CNTN4: variants seen among roughly 807,000 people sequenced by gnomAD.
The protein encoded by CNTN4 is contactin-4.
A neutral mutation model predicts 122.5 loss-of-function variants in CNTN4; 77 were observed. The ratio of observed to expected loss-of-function variants is 0.63; its 90% CI spans 0.52 to 0.76. The LOEUF (loss-of-function observed/expected upper bound fraction) is 0.76. Ranked by LOEUF, CNTN4 falls within the 30% of genes least tolerant of loss-of-function variation. CNTN4 has a pLI of 0.00. For missense variants in CNTN4, 1,256 were observed against 1,259.1 expected, an observed-to-expected ratio of 1.00 and a Z score of 0.04; for synonymous variants, 512 against 447.0, an observed-to-expected ratio of 1.15 and a Z score of -1.83.
chr3:2,409,273 T>A (rs2047146120), intron 3 of CNTN4, among the ~76,000 whole-genome samples: 1 of 148,200 alleles, frequency 6.7e-6, no homozygotes, highest in East Asian at 2.0e-4. Context: ...TTTGAGATAG[T>A]GTCTCGCTCT....
intron 24 of CNTN4, among the ~76,000 whole-genome samples, chr3:3,055,752 G>A (rs1462767482): frequency 6.6e-6 from 1 of 152,160 alleles, no homozygotes; most frequent in African/African-American, 2.4e-5. Flanking sequence ...AGATTTAAGT[G>A]TCATATTCAT....
At chr3:2,608,813 G>A (rs544777214) in intron 4 of CNTN4, among the ~76,000 whole-genome samples, 1 of 152,166 alleles carries the variant, frequency 6.6e-6, no homozygotes, top group African/African-American at 2.4e-5. Context: ...AAATGCATTT[G>A]TTTGAGAGTA....
chr3:2,115,349 C>G (rs1011938476), intron 2 of CNTN4, among the ~76,000 whole-genome samples: 1 of 152,232 alleles, frequency 6.6e-6, no homozygotes, highest in Admixed American at 6.5e-5. Context: ...GTTCTTCCTT[C>G]TATTCCATGC....
Position 2,301,034 on chromosome 3 carries a change from C to T in CNTN4, c.-144-38144C>T, listed in dbSNP as rs76217545. Among the ~76,000 whole-genome samples the T allele has an allele frequency of 8.5e-5, 13 of 152,152 alleles. No homozygotes were observed. In the East Asian group the frequency reaches 1.9e-3, roughly 23 times the overall value. On this transcript the variant is annotated intron_variant, in intron 2 of 24. Coordinates refer to ENST00000418658, the MANE Select transcript of CNTN4 (RefSeq NM_175607.3). The stretch of plus-strand genomic sequence containing the variant: ...TATTGCTGTTATTACTCTTTAAATC[C>T]GGATTTGTATTAAGCCATCCTTGCT...
intron 3 of CNTN4, among the ~76,000 whole-genome samples, chr3:2,547,711 C>T (rs916500999): frequency 6.6e-6 from 1 of 152,028 alleles, no homozygotes. Context: ...CTTCATTCAC[C>T]AGAATGAAAC....
chr3:2,292,056 A>AT (rs905457279), intron 2 of CNTN4, among the ~76,000 whole-genome samples: 1 of 152,154 alleles, frequency 6.6e-6, no homozygotes, highest in Non-Finnish European at 1.5e-5. Context: ...TTTTAATGCC[A>AT]TTTTTTACAG....
intron 3 of CNTN4, among the ~76,000 whole-genome samples, chr3:2,432,066 A>G (rs13434174): frequency 0.023 from 3,519 of 152,278 alleles, 151 homozygotes; most frequent in African/African-American, 0.072. Context: ...TGCACAAACA[A>G]TGAGCCAGGT....
intron 2 of CNTN4, among the ~76,000 whole-genome samples, chr3:2,115,109 G>C (rs547001337): frequency 2.0e-5 from 3 of 152,290 alleles, no homozygotes; most frequent in Non-Finnish European, 4.4e-5. Context: ...TGAGCCTTCA[G>C]CCAGGCTCTT....
At chr3:2,241,778 G>A (rs895232614) in intron 2 of CNTN4, among the ~76,000 whole-genome samples, 2 of 152,110 alleles carry the variant, frequency 1.3e-5, no homozygotes, top group African/African-American at 2.4e-5. Context: ...ATCCAGGCTT[G>A]TTCAGTTGAA....
intron 2 of CNTN4, among the ~76,000 whole-genome samples, chr3:2,293,559 T>C (rs1433780919): frequency 6.6e-6 from 1 of 152,212 alleles, no homozygotes; most frequent in Non-Finnish European, 1.5e-5. Flanking sequence ...ATGCAGCACC[T>C]GTTTCATAAG....
At chr3:2,340,710 TAGAGAGAG>T (rs747326741) in intron 3 of CNTN4, among the ~76,000 whole-genome samples, 4 of 18,294 alleles carry the variant, frequency 2.2e-4, no homozygotes, top group African/African-American at 4.0e-4. Context: ...TATATATATA[TAGAGAGAG>T]AGAGAGAGAG....
At chr3:2,173,638 G>C (rs532723706) in intron 2 of CNTN4, among the ~76,000 whole-genome samples, 1 of 152,246 alleles carries the variant, frequency 6.6e-6, no homozygotes, top group Admixed American at 6.5e-5. Flanking sequence ...GTATGATGTA[G>C]AGAAAATCTT....
At chr3:2,932,038 C>G (rs747758848) in intron 13 of CNTN4, among the ~76,000 whole-genome samples, 1 of 151,216 alleles carries the variant, frequency 6.6e-6, no homozygotes, top group Non-Finnish European at 1.5e-5. Context: ...CATGTGCGTG[C>G]ATGTGTGTGT....
At position 2,390,417 on chromosome 3, in the gene CNTN4, A is replaced by G. The variant is rs189665748; in HGVS notation, c.-89+51184A>G. 1.0e-3 allele frequency among the ~76,000 whole-genome samples: 157 copies of G among 152,282 alleles called. 1 individual carries two copies. The highest frequency in any genetic ancestry group is 3.6e-3 in the African/African-American group (149 of 41,574). ...ACCTAGTTAAAGTTTCTATCCATTA[A>G]TATATAATCAGAGGGCAAAATAGCC... is the stretch of plus-strand genomic sequence containing the variant. On this transcript the variant is annotated intron_variant, in intron 3 of 24. Coordinates refer to ENST00000418658, the MANE Select transcript of CNTN4 (RefSeq NM_175607.3).
chr3:2,225,440 G>T lies in CNTN4; in HGVS notation c.-144-113738G>T, dbSNP rs570933713. ...GAGGCAAAGAATTGCTTAAATCCGG[G>T]TGGCAGAGCTTGCAGTGAGCCGAGA... On this transcript the variant is annotated intron_variant, in intron 2 of 24. Coordinates refer to ENST00000418658, the MANE Select transcript of CNTN4 (RefSeq NM_175607.3). Among the ~76,000 whole-genome samples, 11 of 152,028 alleles carry T rather than the reference G, an allele frequency of 7.2e-5. No individual in the cohort carries two copies. In the East Asian group the frequency reaches 1.2e-3, roughly 16 times the overall value.
chr3:2,946,447 A>T (rs1384013479), intron 13 of CNTN4, among the ~76,000 whole-genome samples: 3 of 152,210 alleles, frequency 2.0e-5, no homozygotes, highest in Admixed American at 2.0e-4. Flanking sequence ...ATGTAACGTC[A>T]TGTCTCACTG....
intron 2 of CNTN4, among the ~76,000 whole-genome samples, chr3:2,116,284 C>G (rs1435277171): frequency 6.6e-6 from 1 of 152,104 alleles, no homozygotes; most frequent in African/African-American, 2.4e-5. Context: ...AAAGCTTAGA[C>G]ATGTTATGAA....
At chr3:2,474,718 A>T (rs976214594) in intron 3 of CNTN4, among the ~76,000 whole-genome samples, 2 of 152,242 alleles carry the variant, frequency 1.3e-5, no homozygotes, top group Non-Finnish European at 2.9e-5. Context: ...TAATATAATT[A>T]GTACAAATCA....
intron 10 of CNTN4, 51 bp from the exon 11 acceptor site, chr3:2,900,634 A>T (rs751254814): frequency 3.8e-6 from 6 of 1,590,652 alleles, no homozygotes; most frequent in Middle Eastern, 1.7e-4. Context: ...ATAAAAATAG[A>T]TTGAGTACAC....
Sources: allele counts gnomAD v4.1 joint callset (sites outside exome capture counted in the v4.1 genomes callset), GRCh38; gene constraint gnomAD v4.1.1; transcripts MANE v1.5; gene names NCBI Gene and HGNC (gene_info 2026-07-23, HGNC 2026-07-21).